Variants in DNMBP observed in about 807,000 individuals in gnomAD.
DNMBP encodes the protein dynamin-binding protein.
Under a neutral mutation model 150.0 loss-of-function variants are expected in DNMBP, and 87 were observed. The ratio of observed to expected loss-of-function variants is 0.58; its 90% CI spans 0.49 to 0.69. The LOEUF (loss-of-function observed/expected upper bound fraction) is 0.69. DNMBP is among the 30% of genes least tolerant of loss of function. DNMBP has a pLI of 0.00. For missense variants in DNMBP, 1,774 were observed against 1,949.0 expected (o/e 0.91, Z 1.69); for synonymous variants, 711 against 750.4 (o/e 0.95, Z 0.86).
intron 15 of DNMBP, among the ~76,000 whole-genome samples, chr10:99,883,153 G>T (rs540153700): frequency 1.3e-5 from 2 of 150,452 alleles, no homozygotes; most frequent in Non-Finnish European, 3.0e-5. Flanking sequence ...TTTGGCAAAA[G>T]TGTTTTTAGA....
chr10:99,982,621 C>T (rs1338866970), intron 1 of DNMBP, among the ~76,000 whole-genome samples: 1 of 151,882 alleles, frequency 6.6e-6, no homozygotes, highest in African/African-American at 2.4e-5. Context: ...GCCTGGGTTC[C>T]CTGTACTCCC....
At position 99,893,560 on chromosome 10, in the gene DNMBP, C is replaced by A. The variant is rs1188224757; in HGVS notation, c.3156+1386G>T. Among the ~76,000 whole-genome samples, 3 of 152,140 alleles carry A rather than the reference C, an allele frequency of 2.0e-5. No individual in the cohort carries two copies. In the East Asian group the frequency reaches 5.8e-4, roughly 29 times the overall value. On this transcript the variant is annotated intron_variant, in intron 11 of 16. Coordinates refer to ENST00000324109, the MANE Select transcript of DNMBP (RefSeq NM_015221.4). ...ACCATCCTGGCCAACATGATGACAC[C>A]CCGTCTCTATTAAAAATACAAAAAT...
intron 4 of DNMBP, among the ~76,000 whole-genome samples, chr10:99,953,971 T>C (rs1411840503): frequency 1.3e-5 from 2 of 152,078 alleles, no homozygotes; most frequent in African/African-American, 2.4e-5. Context: ...ACCACTGCTA[T>C]GGATGCCATA....
chr10:99,949,465 T>C (rs1447901994), intron 4 of DNMBP, among the ~76,000 whole-genome samples: 2 of 152,210 alleles, frequency 1.3e-5, no homozygotes, highest in Admixed American at 1.3e-4. Context: ...CTCAAACTGG[T>C]TAATTTCCAC....
chr10:100,008,831 G>T (rs2041102454), intron 1 of DNMBP, among the ~76,000 whole-genome samples: 1 of 152,172 alleles, frequency 6.6e-6, no homozygotes, highest in Non-Finnish European at 1.5e-5. Flanking sequence ...CCCGAATGCT[G>T]TCAGGTACTT....
chr10:99,925,428 T>C lies in DNMBP; in HGVS notation c.2261-16282A>G, dbSNP rs74871964. On this transcript the variant is annotated intron_variant, in intron 4 of 16. Transcript: ENST00000324109. ...ACCCACACTTTATTTTTTATTTTATTTTTTTGAGACACAGTTTCACTCTGT... is the reference window on the plus strand; with the variant it reads ...ACCCACACTTTATTTTTTATTTTATCTTTTTGAGACACAGTTTCACTCTGT... Among the ~76,000 whole-genome samples the C allele has an allele frequency of 1.2e-3, 182 of 152,184 alleles. 1 individual carries two copies. Among genetic ancestry groups the C allele is most frequent in the African/African-American group, 4.3e-3 (178 of 41,506 alleles).
At chr10:99,985,238 T>C (rs1351178806) in intron 1 of DNMBP, among the ~76,000 whole-genome samples, 5 of 152,148 alleles carry the variant, frequency 3.3e-5, no homozygotes, top group African/African-American at 4.8e-5. Flanking sequence ...TTGAGCACCA[T>C]GGAAAACCAG....
chr10:99,888,059 G>A (rs1394537601), intron 12 of DNMBP, among the ~76,000 whole-genome samples: 1 of 152,028 alleles, frequency 6.6e-6, no homozygotes, highest in Non-Finnish European at 1.5e-5. Flanking sequence ...CCAACCTCAG[G>A]TGATCCGCCC....
chr10:99,900,025 A>G lies in DNMBP; in HGVS notation c.2596T>C (p.Tyr866His), dbSNP rs768334986. The G allele has an allele frequency of 1.9e-6, 3 of 1,614,116 alleles. No individual in the cohort carries two copies. The South Asian group carries it at 3.3e-5, about 18-fold the overall frequency. The change falls in exon 7 of 17, where the codon TAC becomes CAC. Residue 866 changes from tyrosine to histidine, a missense_variant. Tyr to His is a moderately conservative substitution (Grantham distance 83). Transcript: ENST00000324109. Reference protein sequence around the residue: ...LGHRDELEGTYKIYCQNHDEA... With the variant: ...LGHRDELEGTHKIYCQNHDEA... ...TCATGATTCTGGCAGTAAATCTTGT[A>G]TGTTCCCTCAAGCTCATCCCGGTGA...
rs2039847242 is a variant in DNMBP, at chr10:99,907,968, C to T, written c.2554+27G>A. ...CCCATGAAGTTTTTTTAAAAAGCTG[C>T]TTCTGAAACAACACAGGAGCTCATA... On this transcript the variant is annotated intron_variant, in intron 6 of 16. Coordinates refer to ENST00000324109, the MANE Select transcript of DNMBP (RefSeq NM_015221.4). 3 of 1,586,448 alleles carry T rather than the reference C, an allele frequency of 1.9e-6. No homozygotes were observed. The African/African-American group carries it at 4.1e-5, about 21-fold the overall frequency.
intron 12 of DNMBP, among the ~76,000 whole-genome samples, chr10:99,888,359 C>T (rs552125076): frequency 6.6e-6 from 1 of 152,070 alleles, no homozygotes; most frequent in East Asian, 1.9e-4. Flanking sequence ...TACAGGTGCC[C>T]ACCACCATGC....
chr10:99,895,894 G>A (rs1009580560), intron 10 of DNMBP, among the ~76,000 whole-genome samples: 22 of 152,106 alleles, frequency 1.4e-4, no homozygotes, highest in South Asian at 2.1e-4. Flanking sequence ...TTTCAGCATC[G>A]CCGATAAACT....
intron 6 of DNMBP, among the ~76,000 whole-genome samples, chr10:99,907,600 T>G (rs2039842818): frequency 6.6e-6 from 1 of 152,058 alleles, no homozygotes. Flanking sequence ...TTCACCATGT[T>G]GGCCAGGCTG....
At chr10:99,941,862 A>G (rs975326333) in intron 4 of DNMBP, among the ~76,000 whole-genome samples, 2 of 152,122 alleles carry the variant, frequency 1.3e-5, no homozygotes, top group Non-Finnish European at 2.9e-5. Context: ...TCTCATCCCT[A>G]CTGCTGCCAT....
intron 11 of DNMBP, among the ~76,000 whole-genome samples, chr10:99,891,180 C>G (rs916913706): frequency 6.7e-6 from 1 of 149,040 alleles, no homozygotes; most frequent in Non-Finnish European, 1.5e-5. Context: ...CTCCCTCCCC[C>G]TCTCCCTCTC....
chr10:99,904,704 C>G (rs910495886), intron 6 of DNMBP, among the ~76,000 whole-genome samples: 7 of 151,308 alleles, frequency 4.6e-5, no homozygotes, highest in Non-Finnish European at 8.8e-5. Flanking sequence ...TCTGCCACCT[C>G]TGTGTGTCTT....
intron 4 of DNMBP, among the ~76,000 whole-genome samples, chr10:99,941,736 G>T (rs936244352): frequency 5.3e-5 from 8 of 152,300 alleles, no homozygotes; most frequent in African/African-American, 1.9e-4. Context: ...CCAAAGTGCT[G>T]GGATTACAGG....
Position 99,899,985 on chromosome 10 carries a change from A to C in DNMBP, c.2636T>G (p.Leu879Arg). The C allele has an allele frequency of 6.2e-7, 1 of 1,614,164 alleles. No homozygotes were observed. The highest frequency in any genetic ancestry group is 8.5e-7 in the Non-Finnish European group (1 of 1,180,036). ...CTCATCCTTCTCGTAGATTTCAAGC[A>C]GCGCAATGGCCTCATCATGATTCTG... ...YCQNHDEAIA[L>R]LEIYEKDEKI... The change falls in exon 7 of 17, where the codon CTG (leucine) becomes CGG (arginine). Residue 879 changes from leucine to arginine, a missense_variant. By Grantham distance (102) the Leu-to-Arg change is moderately radical (BLOSUM62 -2). Coordinates refer to ENST00000324109, the MANE Select transcript of DNMBP (RefSeq NM_015221.4).
At chr10:99,981,586 A>C (rs959589398) in intron 1 of DNMBP, among the ~76,000 whole-genome samples, 1 of 152,230 alleles carries the variant, frequency 6.6e-6, no homozygotes. Flanking sequence ...CACCGATATC[A>C]AACAGTTTAA....
Sources: allele counts gnomAD v4.1 joint callset (sites outside exome capture counted in the v4.1 genomes callset), GRCh38; gene constraint gnomAD v4.1.1; transcripts MANE v1.5; gene names NCBI Gene and HGNC (gene_info 2026-07-23, HGNC 2026-07-21).